Variants in ASB4 observed in about 807,000 individuals in gnomAD.
The protein encoded by ASB4 is ankyrin repeat and SOCS box containing 4.
ASB4 carries 35 observed loss-of-function variants against 38.6 expected under a neutral mutation model. The observed-to-expected ratio is 0.91, with a 90% CI of 0.69 to 1.20. The LOEUF is 1.20. ASB4 is among the 50% of genes most tolerant of loss of function. The pLI, the probability that ASB4 is intolerant of heterozygous loss-of-function variation, is 0.00. For synonymous variants in ASB4, 195 were observed against 201.3 expected, an observed-to-expected ratio of 0.97 and a Z score of 0.26; for missense variants, 557 against 527.2, an observed-to-expected ratio of 1.06 and a Z score of -0.55.
chr7:95,533,217 G>C (rs539253594), intron 3 of ASB4, among the ~76,000 whole-genome samples: 2 of 152,140 alleles, frequency 1.3e-5, no homozygotes, highest in South Asian at 4.1e-4. Flanking sequence ...CAGTTTGGGG[G>C]TAGAATGTTA....
At chr7:95,514,486 TAAAC>T (rs915056883) in intron 2 of ASB4, among the ~76,000 whole-genome samples, 3 of 152,204 alleles carry the variant, frequency 2.0e-5, no homozygotes, top group African/African-American at 7.2e-5. Flanking sequence ...ATGTCCCTCT[TAAAC>T]AAAATGGACA....
chr7:95,502,359 C>T (rs920293541), intron 2 of ASB4, among the ~76,000 whole-genome samples: 15 of 147,128 alleles, frequency 1.0e-4, no homozygotes, highest in Non-Finnish European at 1.6e-4. Context: ...CTCTTACACA[C>T]GCTTAATAGA....
rs138295168 is a variant in ASB4, at chr7:95,505,961, A to G, written c.487+9904A>G. On this transcript the variant is annotated intron_variant, in intron 2 of 4. Coordinates refer to ENST00000325885, the MANE Select transcript of ASB4 (RefSeq NM_016116.3). ...CAGGCTAGAATGCAGTGGCATGACC[A>G]TGGTTCACTGCAGGTTTGACTTCCC... is the stretch of plus-strand genomic sequence containing the variant. Among the ~76,000 whole-genome samples the G allele has an allele frequency of 4.9e-4, 75 of 152,178 alleles. No individual in the cohort carries two copies. In the East Asian group the frequency reaches 0.014, roughly 27 times the overall value.
At chr7:95,537,533 G>A in intron 4 of ASB4, 38 bp from the exon 5 acceptor site, 1 of 1,530,702 alleles carries the variant, frequency 6.5e-7, no homozygotes, top group Non-Finnish European at 8.9e-7. Flanking sequence ...AAACTGTGGG[G>A]CCTTGCTAAC....
At chr7:95,505,876 C>G (rs950428972) in intron 2 of ASB4, among the ~76,000 whole-genome samples, 1 of 152,038 alleles carries the variant, frequency 6.6e-6, no homozygotes, top group African/African-American at 2.4e-5. Context: ...AAGCTTTTGC[C>G]AATATTTTTA....
intron 2 of ASB4, among the ~76,000 whole-genome samples, chr7:95,501,011 T>A (rs554036558): frequency 6.6e-6 from 1 of 152,334 alleles, no homozygotes; most frequent in East Asian, 1.9e-4. Flanking sequence ...TATGTTTAGA[T>A]TTAGTTTTTA....
the ASB4 span, among the ~76,000 whole-genome samples, chr7:95,471,369 T>C: frequency 6.6e-6 from 1 of 152,160 alleles, no homozygotes; most frequent in African/African-American, 2.4e-5. Flanking sequence ...CTTGCCCTTA[T>C]AATTAAAGGA....
At chr7:95,521,338 T>A (rs1408991105) in intron 2 of ASB4, among the ~76,000 whole-genome samples, 1 of 152,078 alleles carries the variant, frequency 6.6e-6, no homozygotes, top group Admixed American at 6.6e-5. Flanking sequence ...TGTAAACATA[T>A]GAGAATACAC....
intron 1 of ASB4, among the ~76,000 whole-genome samples, chr7:95,490,651 G>A (rs1218854579): frequency 6.6e-6 from 1 of 152,202 alleles, no homozygotes; most frequent in Non-Finnish European, 1.5e-5. Context: ...TTAGCTGAAG[G>A]TTTACCAGAA....
At chr7:95,525,792 T>G (rs1182170633) in intron 2 of ASB4, among the ~76,000 whole-genome samples, 1 of 152,212 alleles carries the variant, frequency 6.6e-6, no homozygotes, top group African/African-American at 2.4e-5. Flanking sequence ...GGCAGAATAC[T>G]GATAAACACA....
Position 95,540,047 on chromosome 7 carries a change from G to A in ASB4, c.*2288G>A, listed in dbSNP as rs1790948905. On this transcript the variant is annotated 3_prime_UTR_variant, in exon 5 of 5. Transcript: ENST00000325885. The stretch of plus-strand genomic sequence containing the variant: ...GATGCTGAGGACAAAGGGAGAAGAT[G>A]TTCCTCGCCCAGGGAAATGAAAACT... The A allele has an allele frequency of 6.6e-6, 1 of 152,090 alleles. No individual in the cohort carries two copies. The highest frequency in any genetic ancestry group is 6.5e-5 in the Admixed American group (1 of 15,278). The allele number at this position is 152,090 out of a possible 1,614,324, so 9.4% of individuals were successfully genotyped here.
chr7:95,490,114 G>A (rs1423807888), intron 1 of ASB4, among the ~76,000 whole-genome samples: 1 of 152,092 alleles, frequency 6.6e-6, no homozygotes, highest in Non-Finnish European at 1.5e-5. Flanking sequence ...CTGATTCCTT[G>A]GTTGGTAGTC....
intron 2 of ASB4, among the ~76,000 whole-genome samples, chr7:95,521,686 T>TA (rs35236189): frequency 0.15 from 22,260 of 147,640 alleles, 2,033 homozygotes; most frequent in African/African-American, 0.26. Context: ...CAGTTGAAAT[T>TA]AAAAAAAAAA....
At position 95,539,374 on chromosome 7, in the gene ASB4, G is replaced by A. The variant is rs1249357150; in HGVS notation, c.*1615G>A. ...CCAGGGCTGTGTAAGAAAAGTCATAGGTGGATACAATAATCTCTTTTAAGT... is the reference window on the plus strand; with the variant it reads ...CCAGGGCTGTGTAAGAAAAGTCATAAGTGGATACAATAATCTCTTTTAAGT... On this transcript the variant is annotated 3_prime_UTR_variant, in exon 5 of 5. Transcript: ENST00000325885. 2.6e-5 allele frequency: 4 copies of A among 152,162 alleles called. No homozygotes were observed. The highest frequency in any genetic ancestry group is 5.9e-5 in the Non-Finnish European group (4 of 68,036). The allele number at this position is 152,162 out of a possible 1,614,324, so 9.4% of individuals were successfully genotyped here.
upstream of ASB4, among the ~76,000 whole-genome samples, chr7:95,482,613 G>A (rs1050619950): frequency 6.6e-6 from 1 of 152,202 alleles, no homozygotes; most frequent in Non-Finnish European, 1.5e-5. Flanking sequence ...ACGCCTGAAG[G>A]ACTCACGTCA....
chr7:95,487,453 A>C (rs1237802652), intron 1 of ASB4, among the ~76,000 whole-genome samples: 5 of 152,214 alleles, frequency 3.3e-5, no homozygotes, highest in Non-Finnish European at 7.4e-5. Context: ...GCCTAGGGTG[A>C]AATAACTCAG....
intron 2 of ASB4, among the ~76,000 whole-genome samples, chr7:95,499,589 C>A (rs537430133): frequency 6.6e-5 from 10 of 152,022 alleles, no homozygotes; most frequent in Non-Finnish European, 1.3e-4. Context: ...GTATAAAGTG[C>A]AAATGGGTGG....
intron 2 of ASB4, among the ~76,000 whole-genome samples, chr7:95,522,338 A>G (rs1790675102): frequency 6.6e-6 from 1 of 152,142 alleles, no homozygotes; most frequent in African/African-American, 2.4e-5. Flanking sequence ...TTGAATTACA[A>G]TATAAAACAC....
At chr7:95,480,840 A>G (rs1031750429) in intron 1 of ASB4, among the ~76,000 whole-genome samples, 3 of 152,248 alleles carry the variant, frequency 2.0e-5, no homozygotes, top group Non-Finnish European at 4.4e-5. Context: ...ATGCAGCAAA[A>G]GATAACTAAT....
Sources: gnomAD v4.1 joint callset for allele counts (sites outside exome capture counted in the v4.1 genomes callset) on GRCh38, gnomAD v4.1.1 for gene constraint, MANE v1.5 for transcripts, NCBI Gene and HGNC (gene_info 2026-07-23, HGNC 2026-07-21) for gene names.